The following MED20 variants were observed in gnomAD, a reference collection of about 807,000 sequenced individuals.
MED20 encodes mediator complex subunit 20.
MED20 carries 19 observed loss-of-function variants against 19.7 expected under a neutral mutation model. The observed-to-expected ratio is 0.96, with a 90% CI of 0.67 to 1.42. The LOEUF (loss-of-function observed/expected upper bound fraction) is 1.42. MED20 is among the 40% of genes most tolerant of loss of function. MED20 has a pLI of 0.00. For synonymous variants in MED20, 105 were observed against 104.8 expected (o/e 1.00, Z -0.01); for missense variants, 225 against 273.0 (o/e 0.82, Z 1.24).
Position 41,907,202 on chromosome 6 carries a change from GGT to G in MED20, c.507_508del (p.Pro170ArgfsTer11), listed in dbSNP as rs1189413716. The G allele has an allele frequency of 6.2e-7, 1 of 1,614,050 alleles. No individual in the cohort carries two copies. Among genetic ancestry groups the G allele is most frequent in the African/African-American group, 1.3e-5 (1 of 74,990 alleles). On this transcript the variant is annotated frameshift_variant, in exon 4 of 4. Coordinates refer to ENST00000265350, the MANE Select transcript of MED20 (RefSeq NM_004275.5). LOFTEE classifies it high-confidence loss of function. The stretch of plus-strand genomic sequence containing the variant: ...GTTCCCAAACACTGCGGGAGCCCCT[GGT>G]GTGTGGCTGCCTAGAAAACTCTGTA...
At chr6:41,912,199 CTTTTTT>C (rs887419565) in intron 2 of MED20, among the ~76,000 whole-genome samples, 18 of 119,294 alleles carry the variant, frequency 1.5e-4, no homozygotes, top group African/African-American at 4.3e-4. Context: ...CCATGCCCAC[CTTTTTT>C]TTTTTTTTTT....
At chr6:41,915,789 A>AACACACACGCACACACACACACAC (rs1775300550) in intron 2 of MED20, among the ~76,000 whole-genome samples, 1 of 148,592 alleles carries the variant, frequency 6.7e-6, no homozygotes, top group East Asian at 2.0e-4. Context: ...TCCGTCTCAA[A>AACACACACGCACACACACACACAC]ACACACACAC....
intron 3 of MED20, among the ~76,000 whole-genome samples, chr6:41,908,460 G>A (rs545797456): frequency 2.0e-5 from 3 of 152,214 alleles, no homozygotes; most frequent in East Asian, 3.9e-4. Context: ...CAGATGAAGT[G>A]ATCTCACACA....
chr6:41,909,989 T>C (rs1433791465), intron 2 of MED20, among the ~76,000 whole-genome samples: 1 of 152,144 alleles, frequency 6.6e-6, no homozygotes, highest in Non-Finnish European at 1.5e-5. Context: ...CCTCCCTCTT[T>C]GAGATCTAGT....
chr6:41,914,823 A>T (rs894102903), intron 2 of MED20, among the ~76,000 whole-genome samples: 7 of 152,192 alleles, frequency 4.6e-5, no homozygotes, highest in African/African-American at 1.4e-4. Flanking sequence ...ATTTATGCTA[A>T]TGAGGAGGTC....
rs1775035929 is a variant in MED20, at chr6:41,905,972, G to A, written c.*1100C>T. The A allele has an allele frequency of 6.6e-6, 1 of 152,170 alleles. No individual in the cohort carries two copies. Among genetic ancestry groups the A allele is most frequent in the East Asian group, 1.9e-4 (1 of 5,198 alleles). The allele number at this position is 152,170 out of a possible 1,614,324, so 9.4% of individuals were successfully genotyped here. On this transcript the variant is annotated 3_prime_UTR_variant, in exon 4 of 4. Coordinates refer to ENST00000265350, the MANE Select transcript of MED20 (RefSeq NM_004275.5). ...CTCTCAAGTCAACTCATAAACAAAT[G>A]CTTTAGTTACAGGAGGTATTAACTG...
chr6:41,918,457 TC>T (rs976205470), intron 1 of MED20, among the ~76,000 whole-genome samples: 28 of 150,312 alleles, frequency 1.9e-4, no homozygotes, highest in Non-Finnish European at 3.2e-4. Flanking sequence ...TGAGCCAAGA[TC>T]GCACCACTGC....
chr6:41,920,246 C>G (rs2127382663), intron 1 of MED20, among the ~76,000 whole-genome samples: 1 of 152,312 alleles, frequency 6.6e-6, no homozygotes, highest in South Asian at 2.1e-4. Flanking sequence ...TGCCTGGAAC[C>G]ATGATCTCCT....
At chr6:41,909,621 C>G in intron 2 of MED20, 99 bp from the exon 3 acceptor site, 1 of 1,519,912 alleles carries the variant, frequency 6.6e-7, no homozygotes, top group African/African-American at 1.4e-5. Flanking sequence ...AGACAGCAAT[C>G]TGGCACTACC....
chr6:41,918,301 C>T (rs1001236599), intron 1 of MED20, among the ~76,000 whole-genome samples: 7 of 149,084 alleles, frequency 4.7e-5, no homozygotes, highest in Non-Finnish European at 1.0e-4. Flanking sequence ...GTCAGGAGTT[C>T]GAGACCAGCC....
rs1187233439 is a variant in MED20, at chr6:41,909,386, GA to G, written c.305del (p.Phe102SerfsTer23). 2 of 1,614,140 alleles carry G rather than the reference GA, an allele frequency of 1.2e-6. No homozygotes were observed. The highest frequency in any genetic ancestry group is 3.3e-5 in the Admixed American group (2 of 60,008). ...CAATCTTGCTGGCCTTAGCACTCTG[GA>G]AAAAGCCCTTGAGCTTCACCATAAG... ...DVLMVKLKGFFQSAKASKIET... is the reference protein window; with the variant it reads ...DVLMVKLKGFXQSAKASKIET... On this transcript the variant is annotated frameshift_variant, in exon 3 of 4. Transcript: ENST00000265350. LOFTEE classifies it high-confidence loss of function.
chr6:41,919,471 C>G (rs902110525), intron 1 of MED20, among the ~76,000 whole-genome samples: 2 of 152,152 alleles, frequency 1.3e-5, no homozygotes, highest in African/African-American at 4.8e-5. Context: ...TGTCACTACT[C>G]TATCAGAAAA....
chr6:41,913,967 G>A (rs921178598), intron 2 of MED20, among the ~76,000 whole-genome samples: 6 of 152,218 alleles, frequency 3.9e-5, no homozygotes, highest in African/African-American at 1.4e-4. Context: ...AGCACAACAT[G>A]AGGAGAGAAG....
chr6:41,917,924 CA>C (rs1370625410), intron 1 of MED20: 3 of 276,358 alleles, frequency 1.1e-5, no homozygotes, highest in South Asian at 3.1e-5. Flanking sequence ...GCCCTAGGAA[CA>C]AAAAAAGAAA....
chr6:41,907,184 A>T lies in MED20; in HGVS notation c.527T>A (p.Phe176Tyr). Reference protein sequence around the residue: ...GSHTPGAPAVFGNRHDAVYGP... With the variant: ...GSHTPGAPAVYGNRHDAVYGP... ...GTAGACCGCATCATGTCTGTTCCCAAACACTGCGGGAGCCCCTGGTGTGTG... is the reference window on the plus strand; with the variant it reads ...GTAGACCGCATCATGTCTGTTCCCATACACTGCGGGAGCCCCTGGTGTGTG... The change falls in exon 4 of 4, where the codon TTT becomes TAT. Residue 176 changes from phenylalanine (F) to tyrosine (Y), a missense_variant. Phe to Tyr is a conservative substitution (Grantham distance 22). Transcript: ENST00000265350. 1 of 1,613,976 alleles carries T rather than the reference A, an allele frequency of 6.2e-7. No homozygotes were observed. Among genetic ancestry groups the T allele is most frequent in the Non-Finnish European group, 8.5e-7 (1 of 1,180,008 alleles).
chr6:41,907,848 A>C lies in MED20; in HGVS notation c.424-561T>G, dbSNP rs191074376. ...TTCTGCTCTCTTAATTTTTTACTGGAGAGATGGCAGGGCAAAATTACTGGC... is the reference window on the plus strand; with the variant it reads ...TTCTGCTCTCTTAATTTTTTACTGGCGAGATGGCAGGGCAAAATTACTGGC... On this transcript the variant is annotated intron_variant, in intron 3 of 3. Coordinates refer to ENST00000265350, the MANE Select transcript of MED20 (RefSeq NM_004275.5). 1.4e-4 allele frequency among the ~76,000 whole-genome samples: 21 copies of C among 152,268 alleles called. No homozygotes were observed. In the East Asian group the frequency reaches 4.1e-3, roughly 29 times the overall value.
At chr6:41,910,632 CAA>C (rs34810607) in intron 2 of MED20, among the ~76,000 whole-genome samples, 2 of 128,438 alleles carry the variant, frequency 1.6e-5, no homozygotes. Context: ...ACTCTATCTC[CAA>C]AAAAAAAAAA....
chr6:41,910,401 G>A (rs1302079338), intron 2 of MED20, among the ~76,000 whole-genome samples: 5 of 152,136 alleles, frequency 3.3e-5, no homozygotes, highest in African/African-American at 4.8e-5. Flanking sequence ...GGAGGCTGAG[G>A]CGGGTGGATC....
Position 41,907,025 on chromosome 6 carries a change from C to T in MED20, c.*47G>A. On this transcript the variant is annotated 3_prime_UTR_variant, in exon 4 of 4. Transcript: ENST00000265350. ...ACCTGAAAGTCAGCACCTGCTCCTC[C>T]TGTGGAGTACCCCTGGTGACAGAGC... 1 of 1,578,882 alleles carries T rather than the reference C, an allele frequency of 6.3e-7. No homozygotes were observed. The highest frequency in any genetic ancestry group is 8.7e-7 in the Non-Finnish European group (1 of 1,152,010).
Sources: allele counts gnomAD v4.1 joint callset (sites outside exome capture counted in the v4.1 genomes callset), GRCh38; gene constraint gnomAD v4.1.1; transcripts MANE v1.5; gene names NCBI Gene and HGNC (gene_info 2026-07-23, HGNC 2026-07-21).